CUL5: variants seen among roughly 807,000 people sequenced by gnomAD.
CUL5 encodes the protein cullin 5.
A neutral mutation model predicts 108.8 loss-of-function variants in CUL5; 26 were observed. The ratio of observed to expected loss-of-function variants is 0.24; its 90% CI spans 0.18 to 0.33. The LOEUF is 0.33. CUL5 is among the 10% of genes least tolerant of loss of function. The pLI is 1.00. For synonymous variants in CUL5, 334 were observed against 298.0 expected, an observed-to-expected ratio of 1.12 and a Z score of -1.25; for missense variants, 524 against 909.2, an observed-to-expected ratio of 0.58 and a Z score of 5.45.
chr11:108,056,933 G>A (rs1863394204), intron 7 of CUL5, among the ~76,000 whole-genome samples: 3 of 152,038 alleles, frequency 2.0e-5, no homozygotes, highest in Non-Finnish European at 4.4e-5. Context: ...TGAGAGATTA[G>A]GTATAAAAAT....
chr11:108,009,242 G>T lies in CUL5; in HGVS notation c.-107G>T. On this transcript the variant is annotated 5_prime_UTR_variant, in exon 1 of 19. Coordinates refer to ENST00000393094, the MANE Select transcript of CUL5 (RefSeq NM_003478.6). ...TCCAGCGCCCACCACACCCTGGTGCGGGCCGACGGGCCCTGGGCCCTGGTG... is the reference window on the plus strand; with the variant it reads ...TCCAGCGCCCACCACACCCTGGTGCTGGCCGACGGGCCCTGGGCCCTGGTG... 1.6e-6 allele frequency: 2 copies of T among 1,236,264 alleles called. No homozygotes were observed. Among genetic ancestry groups the T allele is most frequent in the South Asian group, 1.3e-5 (1 of 78,798 alleles). 76.6% of individuals were successfully genotyped at this position (1,236,264 alleles called of 1,614,324 possible).
At position 108,082,387 on chromosome 11, in the gene CUL5, C is replaced by A. The variant is rs188619475; in HGVS notation, c.1178+4147C>A. ...TGTTGCCCTCCTGAGCTCGAGTAAT[C>A]CTCCCACCTCAGCCACCTGAGTAGC... On this transcript the variant is annotated intron_variant, in intron 11 of 18. Transcript: ENST00000393094. Among the ~76,000 whole-genome samples the A allele has an allele frequency of 5.3e-5, 8 of 151,600 alleles. No homozygotes were observed. The East Asian group carries it at 1.6e-3, about 29-fold the overall frequency.
At position 108,033,839 on chromosome 11, in the gene CUL5, T is replaced by A; in HGVS notation, c.62T>A (p.Phe21Tyr). 6.2e-7 allele frequency: 1 copy of A among 1,613,352 alleles called. No individual in the cohort carries two copies. Reference sequence around the variant, plus strand: ...CTTCAGTTTGAAGACAAATGGGATTTTATGCGCCCGATTGTTTTGAAGCTT... The same window carrying A: ...CTTCAGTTTGAAGACAAATGGGATTATATGCGCCCGATTGTTTTGAAGCTT... ...GSLQFEDKWD[F>Y]MRPIVLKLLR... Residue 21 changes from phenylalanine to tyrosine, a missense_variant, in exon 2 of 19, where the codon TTT becomes TAT. This residue lies in a region of CUL5 where 76 missense variants were observed against 90.8 expected (regional missense o/e 0.84). Transcript: ENST00000393094.
chr11:108,012,942 C>T (rs913143039), intron 1 of CUL5, among the ~76,000 whole-genome samples: 3 of 152,186 alleles, frequency 2.0e-5, no homozygotes, highest in Non-Finnish European at 4.4e-5. Flanking sequence ...ACTTCTGTTT[C>T]TCACTGTCAC....
At chr11:108,057,497 G>A (rs541841234) in intron 7 of CUL5, among the ~76,000 whole-genome samples, 2 of 152,308 alleles carry the variant, frequency 1.3e-5, no homozygotes, top group South Asian at 4.1e-4. Context: ...GATGCACTAA[G>A]AAGAATACAA....
intron 11 of CUL5, among the ~76,000 whole-genome samples, chr11:108,083,076 A>G (rs1864135983): frequency 6.6e-6 from 1 of 151,954 alleles, no homozygotes; most frequent in East Asian, 1.9e-4. Context: ...CTTCCTTTCC[A>G]GTTTGGTTCT....
intron 11 of CUL5, among the ~76,000 whole-genome samples, chr11:108,085,745 C>T (rs1449900208): frequency 6.6e-6 from 1 of 152,130 alleles, no homozygotes; most frequent in Non-Finnish European, 1.5e-5. Context: ...AGAATCAGCA[C>T]ATCCATAGAG....
At position 108,078,111 on chromosome 11, in the gene CUL5, T is replaced by A. The variant is rs1375866228; in HGVS notation, c.1114-65T>A. On this transcript the variant is annotated intron_variant, in intron 10 of 18. Transcript: ENST00000393094. Reference sequence around the variant, plus strand: ...TAACATATTTTTATGTGTTTTGGGATGTATAAAAATTTATCTGTATATTTT... The same window carrying A: ...TAACATATTTTTATGTGTTTTGGGAAGTATAAAAATTTATCTGTATATTTT... The A allele has an allele frequency of 4.5e-6, 4 of 896,088 alleles. No homozygotes were observed. The East Asian group carries it at 1.2e-4, about 26-fold the overall frequency. 55.5% of individuals were successfully genotyped at this position (896,088 alleles called of 1,614,324 possible). A position where few individuals can be genotyped will look rare whatever the true frequency, so the allele number is the denominator to read the frequency against.
intron 11 of CUL5, among the ~76,000 whole-genome samples, chr11:108,080,530 G>C (rs1864053037): frequency 6.6e-6 from 1 of 152,084 alleles, no homozygotes. Context: ...TGAGTAGCTG[G>C]GACTACAGGT....
chr11:108,095,103 C>A, intron 15 of CUL5, 116 bp downstream of exon 15: 2 of 832,374 alleles, frequency 2.4e-6, no homozygotes, highest in Non-Finnish European at 3.6e-6. Flanking sequence ...AAAGTTTGAG[C>A]AGAAATAGTG....
chr11:108,054,836 TGA>T (rs1248081748), intron 6 of CUL5, 37 bp from the exon 7 acceptor site: 2 of 1,601,910 alleles, frequency 1.2e-6, no homozygotes, highest in Admixed American at 1.7e-5. Context: ...GCAATTCCCT[TGA>T]TATTCTTAAA....
intron 5 of CUL5, among the ~76,000 whole-genome samples, chr11:108,053,512 T>C (rs1331800007): frequency 2.0e-5 from 3 of 152,214 alleles, no homozygotes; most frequent in East Asian, 1.9e-4. Flanking sequence ...AATTTGTTTT[T>C]AATTGAACTG....
Position 108,033,906 on chromosome 11 carries a change from G to A in CUL5, c.129G>A (p.Leu43=). The change falls in exon 2 of 19, where the codon CTG becomes CTA. Residue 43 remains leucine (L), a synonymous_variant. Coordinates refer to ENST00000393094, the MANE Select transcript of CUL5 (RefSeq NM_003478.6). ...ESVTKQQWFD[L]FSDVHAVCLW... is the part of the protein sequence containing the mutation. ...TTACAAAACAGCAGTGGTTTGATCT[G>A]TTTTCGTAAGTACCCCACTAATTCT... 6.3e-7 allele frequency: 1 copy of A among 1,593,664 alleles called. No individual in the cohort carries two copies. Among genetic ancestry groups the A allele is most frequent in the Non-Finnish European group, 8.6e-7 (1 of 1,165,764 alleles).
intron 3 of CUL5, among the ~76,000 whole-genome samples, chr11:108,047,422 G>A (rs1201716643): frequency 2.0e-5 from 3 of 152,190 alleles, no homozygotes; most frequent in Non-Finnish European, 4.4e-5. Flanking sequence ...TACAACATTA[G>A]TAAAAGTTGT....
In CUL5 at chr11:108,104,834, A is replaced by G. The variant is rs1184120582; in HGVS notation, c.*450A>G. On this transcript the variant is annotated 3_prime_UTR_variant, in exon 19 of 19. Coordinates refer to ENST00000393094, the MANE Select transcript of CUL5 (RefSeq NM_003478.6). ...AAAAAATGCAATTAAAACTAGAAAT[A>G]GCACTCTTGGTTTCTTTTGATGAAA... The G allele has an allele frequency of 6.5e-6, 1 of 152,842 alleles. No homozygotes were observed. The highest frequency in any genetic ancestry group is 2.4e-5 in the African/African-American group (1 of 41,470). The allele number at this position is 152,842 out of a possible 1,614,324, so 9.5% of individuals were successfully genotyped here.
At chr11:108,035,079 A>G (rs569679068) in intron 2 of CUL5, among the ~76,000 whole-genome samples, 1 of 152,304 alleles carries the variant, frequency 6.6e-6, no homozygotes, top group South Asian at 2.1e-4. Flanking sequence ...AGAGAGAACT[A>G]GAGTCAGGTT....
chr11:108,015,373 C>T (rs1353540654), intron 1 of CUL5, among the ~76,000 whole-genome samples: 1 of 152,152 alleles, frequency 6.6e-6, no homozygotes, highest in East Asian at 1.9e-4. Context: ...GGATGTGATA[C>T]GAAGATTTGA....
At chr11:108,054,252 T>TA (rs1257446409) in intron 5 of CUL5, among the ~76,000 whole-genome samples, 6 of 152,334 alleles carry the variant, frequency 3.9e-5, no homozygotes, top group East Asian at 3.9e-4. Context: ...GCAATCCACT[T>TA]AGACAACCTA....
At chr11:108,094,614 G>T in intron 14 of CUL5, 100 bp downstream of exon 14, 2 of 845,062 alleles carry the variant, frequency 2.4e-6, no homozygotes, top group Non-Finnish European at 3.5e-6. Flanking sequence ...TAGATCGAAA[G>T]ATGTTATGAA....
Sources: allele counts gnomAD v4.1 joint callset (sites outside exome capture counted in the v4.1 genomes callset), GRCh38; gene constraint gnomAD v4.1.1; regional missense constraint gnomAD v4.1.1; transcripts MANE v1.5; gene names NCBI Gene and HGNC (gene_info 2026-07-23, HGNC 2026-07-21).